The following MYO1E variants were observed in gnomAD, a reference collection of about 807,000 sequenced individuals.
MYO1E encodes unconventional myosin-Ie.
A neutral mutation model predicts 151.1 loss-of-function variants in MYO1E; 68 were observed. That is an observed-to-expected ratio of 0.45 (90% CI 0.37 to 0.55). The LOEUF (loss-of-function observed/expected upper bound fraction) is 0.55. Ranked by LOEUF, MYO1E falls within the 20% of genes least tolerant of loss-of-function variation. MYO1E has a pLI of 0.00. For missense variants in MYO1E, 1,363 were observed against 1,389.3 expected (o/e 0.98, Z 0.30); for synonymous variants, 601 against 501.7 (o/e 1.20, Z -2.64).
At chr15:59,303,941 G>A (rs941597925) in intron 1 of MYO1E, among the ~76,000 whole-genome samples, 63 of 151,830 alleles carry the variant, frequency 4.1e-4, no homozygotes, top group African/African-American at 1.5e-3. Flanking sequence ...ATGCCTGGAG[G>A]AGTATCAGGC....
At chr15:59,258,875 A>G (rs1476342703) in intron 3 of MYO1E, among the ~76,000 whole-genome samples, 1 of 151,774 alleles carries the variant, frequency 6.6e-6, no homozygotes, top group African/African-American at 2.4e-5. Context: ...AAAAAAAAAG[A>G]AGAAAACATT....
chr15:59,297,834 G>A (rs2080459940), intron 1 of MYO1E, among the ~76,000 whole-genome samples: 1 of 151,998 alleles, frequency 6.6e-6, no homozygotes, highest in African/African-American at 2.4e-5. Flanking sequence ...CTCCCACCGT[G>A]GGCTTTGAAA....
At chr15:59,308,016 A>G (rs1392579788) in intron 1 of MYO1E, among the ~76,000 whole-genome samples, 1 of 149,758 alleles carries the variant, frequency 6.7e-6, no homozygotes, top group African/African-American at 2.4e-5. Context: ...CAGGAGTTCA[A>G]GGCCATCCTG....
At chr15:59,352,356 C>T (rs576530815) in intron 1 of MYO1E, among the ~76,000 whole-genome samples, 16 of 152,124 alleles carry the variant, frequency 1.1e-4, no homozygotes, top group Non-Finnish European at 1.9e-4. Flanking sequence ...GTCCCTGTGC[C>T]GTAGTGCTTT....
At chr15:59,263,771 T>C (rs574467477) in intron 2 of MYO1E, among the ~76,000 whole-genome samples, 9 of 152,032 alleles carry the variant, frequency 5.9e-5, no homozygotes, top group Admixed American at 1.3e-4. Context: ...TAAGAGAAAA[T>C]GCTGATGAGA....
intron 18 of MYO1E, among the ~76,000 whole-genome samples, chr15:59,181,624 A>G (rs867235143): frequency 6.6e-6 from 1 of 152,344 alleles, no homozygotes; most frequent in African/African-American, 2.4e-5. Context: ...GTCAAGAGGG[A>G]TGGTTTTGAT....
chr15:59,156,601 T>C (rs1310333610), intron 25 of MYO1E, among the ~76,000 whole-genome samples: 1 of 152,234 alleles, frequency 6.6e-6, no homozygotes, highest in Non-Finnish European at 1.5e-5. Context: ...AGTGTTGGGA[T>C]TACAGGCGTA....
chr15:59,164,336 G>C (rs1456014865), intron 22 of MYO1E, among the ~76,000 whole-genome samples: 1 of 152,214 alleles, frequency 6.6e-6, no homozygotes, highest in Non-Finnish European at 1.5e-5. Context: ...GATTTCGTTA[G>C]GGATTGTAAG....
chr15:59,259,164 C>G (rs1317429367), intron 3 of MYO1E, among the ~76,000 whole-genome samples: 2 of 152,188 alleles, frequency 1.3e-5, no homozygotes, highest in South Asian at 2.1e-4. Flanking sequence ...ACTGATGTCA[C>G]TCTGTCACCA....
In MYO1E at chr15:59,372,598, C is replaced by G. The variant is rs2080954642; in HGVS notation, c.-98G>C. Reference sequence around the variant, plus strand: ...GGGCGAACTTCAAAAGTTGGTTCCCCTCGCCAAAAACAGGCTCCCGACACC... The same window carrying G: ...GGGCGAACTTCAAAAGTTGGTTCCCGTCGCCAAAAACAGGCTCCCGACACC... On this transcript the variant is annotated 5_prime_UTR_variant, in exon 1 of 28. Transcript: ENST00000288235. 1.4e-6 allele frequency: 2 copies of G among 1,473,870 alleles called. No individual in the cohort carries two copies. Among genetic ancestry groups the G allele is most frequent in the East Asian group, 2.5e-5 (1 of 39,332 alleles). The allele number at this position is 1,473,870 out of a possible 1,614,324, so 91.3% of individuals were successfully genotyped here. A position where few individuals can be genotyped will look rare whatever the true frequency, so the allele number is the denominator to read the frequency against.
intron 1 of MYO1E, among the ~76,000 whole-genome samples, chr15:59,366,459 T>A (rs962333934): frequency 1.3e-5 from 2 of 152,110 alleles, no homozygotes; most frequent in Non-Finnish European, 2.9e-5. Context: ...GGCTAATTTT[T>A]AAAATTTTTT....
intron 14 of MYO1E, chr15:59,206,864 A>G (rs769746803): frequency 1.7e-4 from 255 of 1,462,916 alleles, no homozygotes; most frequent in Non-Finnish European, 2.3e-4. Context: ...GGTCCTGCCA[A>G]CGGCTCTCTT....
At chr15:59,228,257 G>A (rs1024052797) in intron 6 of MYO1E, among the ~76,000 whole-genome samples, 1 of 152,110 alleles carries the variant, frequency 6.6e-6, no homozygotes, top group Non-Finnish European at 1.5e-5. Context: ...TGAGGCAGGT[G>A]GATCACTGGA....
At chr15:59,199,985 C>T (rs1177232996) in intron 16 of MYO1E, among the ~76,000 whole-genome samples, 1 of 152,184 alleles carries the variant, frequency 6.6e-6, no homozygotes, top group Non-Finnish European at 1.5e-5. Context: ...GGAAAACATG[C>T]TGTACTCTCT....
intron 22 of MYO1E, among the ~76,000 whole-genome samples, chr15:59,164,063 G>A (rs2079551787): frequency 6.6e-6 from 1 of 152,210 alleles, no homozygotes; most frequent in South Asian, 2.1e-4. Context: ...AAGCTATAGG[G>A]TGATGGCAGA....
intron 9 of MYO1E, among the ~76,000 whole-genome samples, chr15:59,220,095 C>T (rs1566983037): frequency 6.6e-6 from 1 of 152,150 alleles, no homozygotes; most frequent in African/African-American, 2.4e-5. Flanking sequence ...TTCACAGCAA[C>T]GTAAAGGTTT....
rs548664910 is a variant in MYO1E at position 59,261,595 on chromosome 15, A to T, written c.148-86T>A. ...AGTAACCAGATGTTATCAAGAATTC[A>T]CAATGACTGTCCAAGTGGAAAGTTT... is the stretch of plus-strand genomic sequence containing the variant. On this transcript the variant is annotated intron_variant, in intron 2 of 27. Coordinates refer to ENST00000288235, the MANE Select transcript of MYO1E (RefSeq NM_004998.4). The T allele has an allele frequency of 6.1e-4, 541 of 889,378 alleles. 3 individuals carry two copies. In the East Asian group the frequency reaches 0.011, roughly 19 times the overall value. 55.1% of individuals were successfully genotyped at this position (889,378 alleles called of 1,614,324 possible). A position where few individuals can be genotyped will look rare whatever the true frequency, so the allele number is the denominator to read the frequency against.
At chr15:59,214,820 T>G in intron 10 of MYO1E, 100 bp from the exon 11 acceptor site, 1 of 904,208 alleles carries the variant, frequency 1.1e-6, no homozygotes, top group Non-Finnish European at 1.9e-6. Context: ...CGGCAAACAC[T>G]ACTGCTTGCA....
intron 1 of MYO1E, among the ~76,000 whole-genome samples, chr15:59,316,723 C>T (rs1315100530): frequency 2.6e-5 from 4 of 152,078 alleles, no homozygotes; most frequent in African/African-American, 9.7e-5. Context: ...CTTTCCATAG[C>T]GAACTTCACA....
Sources: allele counts gnomAD v4.1 joint callset (sites outside exome capture counted in the v4.1 genomes callset), GRCh38; gene constraint gnomAD v4.1.1; transcripts MANE v1.5; gene names NCBI Gene and HGNC (gene_info 2026-07-23, HGNC 2026-07-21).